PTPRR: variants seen among roughly 807,000 people sequenced by gnomAD.
PTPRR encodes the protein receptor-type tyrosine-protein phosphatase R.
In PTPRR, 38 loss-of-function variants were observed where a neutral mutation model predicts 77.2. The observed-to-expected ratio is 0.49, with a 90% CI of 0.38 to 0.65. PTPRR has a LOEUF of 0.65. Among genes scored for constraint, PTPRR ranks in the 30% least tolerant of loss-of-function variants. The pLI, the probability that PTPRR is intolerant of heterozygous loss-of-function variation, is 0.00. For synonymous variants in PTPRR, 299 were observed against 283.1 expected (o/e 1.06, Z -0.57); for missense variants, 744 against 799.2 (o/e 0.93, Z 0.83).
chr12:70,656,501 C>T (rs1886585843), intron 13 of PTPRR, among the ~76,000 whole-genome samples: 1 of 152,134 alleles, frequency 6.6e-6, no homozygotes. Flanking sequence ...TGCACTCCAG[C>T]CTGGATGACA....
At chr12:70,831,361 T>C (rs1211782268) in intron 2 of PTPRR, among the ~76,000 whole-genome samples, 1 of 152,210 alleles carries the variant, frequency 6.6e-6, no homozygotes, top group African/African-American at 2.4e-5. Context: ...AGTCTTACTA[T>C]ACTAGCAGTC....
chr12:70,781,665 GA>G (rs1254363199), intron 2 of PTPRR, among the ~76,000 whole-genome samples: 1 of 152,148 alleles, frequency 6.6e-6, no homozygotes, highest in Non-Finnish European at 1.5e-5. Context: ...TCAGTATATT[GA>G]CCCTTTTAAG....
At chr12:70,918,006 GAA>G (rs1464794216) in intron 1 of PTPRR, among the ~76,000 whole-genome samples, 1 of 152,170 alleles carries the variant, frequency 6.6e-6, no homozygotes, top group Non-Finnish European at 1.5e-5. Flanking sequence ...TGTTCTGAGA[GAA>G]AAGTCTTCCA....
chr12:70,723,775 A>G lies in PTPRR; in HGVS notation c.1007+22043T>C, dbSNP rs936649516. Among the ~76,000 whole-genome samples, 4 of 152,136 alleles carry G rather than the reference A, an allele frequency of 2.6e-5. No homozygotes were observed. The South Asian group carries it at 6.2e-4, about 24-fold the overall frequency. On this transcript the variant is annotated intron_variant, in intron 6 of 13. Transcript: ENST00000283228. ...TGCATTAGCATTAAATAACATTCTT[A>G]TTGGAGTGGTATGTGCATGGCCCAA...
At chr12:70,892,646 T>G in intron 2 of PTPRR, 33 bp downstream of exon 2, 1 of 1,603,200 alleles carries the variant, frequency 6.2e-7, no homozygotes, top group Non-Finnish European at 8.5e-7. Context: ...AGAATCAACA[T>G]CAGCCTCAGC....
At chr12:70,767,630 C>T (rs1401412726) in intron 2 of PTPRR, among the ~76,000 whole-genome samples, 3 of 152,044 alleles carry the variant, frequency 2.0e-5, no homozygotes, top group African/African-American at 7.2e-5. Flanking sequence ...AACAAGGATA[C>T]CCAGGAATTG....
rs142131600 is a variant in PTPRR at position 70,889,175 on chromosome 12, T to C, written c.357+3504A>G. Among the ~76,000 whole-genome samples, 9 of 152,310 alleles carry C rather than the reference T, an allele frequency of 5.9e-5. No homozygotes were observed. In the East Asian group the frequency reaches 1.4e-3, roughly 23 times the overall value. ...TGGCTGAATTCTGTTGATATGTACA[T>C]AGACTAAGCCCATCCTTCGGGTAAT... On this transcript the variant is annotated intron_variant, in intron 2 of 13. Transcript: ENST00000283228.
intron 7 of PTPRR, among the ~76,000 whole-genome samples, chr12:70,698,875 T>C (rs968874126): frequency 1.3e-5 from 2 of 152,194 alleles, no homozygotes; most frequent in Admixed American, 6.5e-5. Flanking sequence ...AAGAAATGGT[T>C]TATAACTGGA....
At chr12:70,770,863 A>T (rs1890955207) in intron 2 of PTPRR, among the ~76,000 whole-genome samples, 1 of 151,978 alleles carries the variant, frequency 6.6e-6, no homozygotes, top group Admixed American at 6.6e-5. Flanking sequence ...AGGGACATGG[A>T]TGAAATTGGA....
chr12:70,703,272 A>G (rs1888499388), intron 6 of PTPRR, among the ~76,000 whole-genome samples: 2 of 152,084 alleles, frequency 1.3e-5, no homozygotes, highest in African/African-American at 2.4e-5. Context: ...TGATATGCCT[A>G]TATGTTTTGG....
At chr12:70,676,569 A>C (rs1887454692) in intron 10 of PTPRR, among the ~76,000 whole-genome samples, 1 of 151,862 alleles carries the variant, frequency 6.6e-6, no homozygotes, top group South Asian at 2.1e-4. Context: ...GAGTTTTTTA[A>C]TTTTATTTTA....
At chr12:70,855,208 A>G (rs1892632082) in intron 2 of PTPRR, among the ~76,000 whole-genome samples, 1 of 152,210 alleles carries the variant, frequency 6.6e-6, no homozygotes, top group Non-Finnish European at 1.5e-5. Flanking sequence ...ATTTCAGTTT[A>G]TCCTTGTTTT....
chr12:70,878,643 A>T (rs1893094837), intron 2 of PTPRR, among the ~76,000 whole-genome samples: 1 of 152,210 alleles, frequency 6.6e-6, no homozygotes, highest in Admixed American at 6.5e-5. Flanking sequence ...ACACTTTTAC[A>T]CTGTTGGTGG....
At chr12:70,881,033 T>A (rs916143845) in intron 2 of PTPRR, among the ~76,000 whole-genome samples, 1 of 152,198 alleles carries the variant, frequency 6.6e-6, no homozygotes, top group African/African-American at 2.4e-5. Flanking sequence ...TTAAAGCCTA[T>A]ATCCAAAGAA....
chr12:70,754,128 G>GTACC, intron 5 of PTPRR, 63 bp downstream of exon 5: 1 of 1,437,272 alleles, frequency 7.0e-7, no homozygotes, highest in East Asian at 2.3e-5. Context: ...GAATGGCAAT[G>GTACC]TACCCACTAA....
intron 1 of PTPRR, among the ~76,000 whole-genome samples, chr12:70,917,175 C>T (rs1430534918): frequency 6.6e-6 from 1 of 152,102 alleles, no homozygotes; most frequent in African/African-American, 2.4e-5. Context: ...ATTGTGGTGG[C>T]TTTTAATTGC....
chr12:70,865,417 T>C (rs1892826582), intron 2 of PTPRR, among the ~76,000 whole-genome samples: 1 of 152,124 alleles, frequency 6.6e-6, no homozygotes, highest in African/African-American at 2.4e-5. Context: ...GAAAGGATGG[T>C]CACCTTCCAA....
At chr12:70,919,749 G>A (rs1228624246) in intron 1 of PTPRR, among the ~76,000 whole-genome samples, 3 of 144,040 alleles carry the variant, frequency 2.1e-5, no homozygotes, top group Non-Finnish European at 4.5e-5. Flanking sequence ...AGAGACAAGA[G>A]GATTCTATTT....
chr12:70,659,020 C>T lies in PTPRR; in HGVS notation c.1766+1920G>A, dbSNP rs886710734. Among the ~76,000 whole-genome samples, 8 of 150,872 alleles carry T rather than the reference C, an allele frequency of 5.3e-5. No individual in the cohort carries two copies. The East Asian group carries it at 5.8e-4, about 11-fold the overall frequency. ...TCGGTTCAAGCGATTCTCCTGCCTC[C>T]GCCTCCCAAGTAGCTAGGAGTACAG... On this transcript the variant is annotated intron_variant, in intron 12 of 13. Coordinates refer to ENST00000283228, the MANE Select transcript of PTPRR (RefSeq NM_002849.4).
Sources: allele counts gnomAD v4.1 joint callset (sites outside exome capture counted in the v4.1 genomes callset), GRCh38; gene constraint gnomAD v4.1.1; transcripts MANE v1.5; gene names NCBI Gene and HGNC (gene_info 2026-07-23, HGNC 2026-07-21).